The following POU2F1 variants were observed in gnomAD, a reference collection of about 807,000 sequenced individuals.
POU2F1 encodes POU domain, class 2, transcription factor 1.
Under a neutral mutation model 84.9 loss-of-function variants are expected in POU2F1, and 16 were observed. The observed-to-expected ratio is 0.19, with a 90% CI of 0.13 to 0.29. The LOEUF (loss-of-function observed/expected upper bound fraction) is 0.29. POU2F1 is among the 10% of genes least tolerant of loss of function. The probability of loss-of-function intolerance (pLI) is 1.00; values close to 1 mark genes in which losing one functional copy is unlikely to be tolerated. For missense variants in POU2F1, 738 were observed against 942.6 expected (o/e 0.78, Z 2.84); for synonymous variants, 368 against 368.3 (o/e 1.00, Z 0.01).
At chr1:167,372,965 A>C (rs1249273237) in intron 5 of POU2F1, among the ~76,000 whole-genome samples, 1 of 151,682 alleles carries the variant, frequency 6.6e-6, no homozygotes, top group African/African-American at 2.4e-5. Context: ...TTCCCAGTTA[A>C]GTGTGTTTTG....
intron 2 of POU2F1, among the ~76,000 whole-genome samples, chr1:167,338,749 G>A (rs1421143718): frequency 1.3e-5 from 2 of 152,136 alleles, no homozygotes; most frequent in Non-Finnish European, 2.9e-5. Flanking sequence ...GCATGTATCA[G>A]AACTTTATTT....
At position 167,245,818 on chromosome 1, in the gene POU2F1, A is replaced by G. The variant is rs748080922; in HGVS notation, c.61+24860A>G. Among the ~76,000 whole-genome samples, 11 of 152,214 alleles carry G rather than the reference A, an allele frequency of 7.2e-5. No individual in the cohort carries two copies. In the South Asian group the frequency reaches 2.1e-3, roughly 29 times the overall value. ...GCAGTCCTCTTGCTTTGGCCTCCCA[A>G]AGTGTTGGAATTACAGGCGTGAGCC... On this transcript the variant is annotated intron_variant, in intron 1 of 15. Coordinates refer to ENST00000367866, the MANE Select transcript of POU2F1 (RefSeq NM_002697.4).
chr1:167,224,336 C>T (rs1033859174), intron 1 of POU2F1, among the ~76,000 whole-genome samples: 1 of 152,088 alleles, frequency 6.6e-6, no homozygotes, highest in African/African-American at 2.4e-5. Flanking sequence ...GCCTTAGAAT[C>T]CATTTCAGTG....
intron 8 of POU2F1, among the ~76,000 whole-genome samples, chr1:167,385,956 G>A (rs535470084): frequency 3.9e-4 from 60 of 152,200 alleles, no homozygotes; most frequent in African/African-American, 1.4e-3. Flanking sequence ...TTGGAGATAC[G>A]TCACCAAAGA....
chr1:167,339,804 A>G (rs1174306641), intron 2 of POU2F1, among the ~76,000 whole-genome samples: 1 of 152,222 alleles, frequency 6.6e-6, no homozygotes. Context: ...ACAATTTATT[A>G]CAAATTAATT....
intron 2 of POU2F1, among the ~76,000 whole-genome samples, chr1:167,358,122 C>CTTTT (rs763521021): frequency 8.0e-4 from 78 of 97,128 alleles, no homozygotes; most frequent in South Asian, 1.0e-3. Flanking sequence ...TTTTTCTTTT[C>CTTTT]TTTTTTTTTT....
intron 1 of POU2F1, among the ~76,000 whole-genome samples, chr1:167,330,828 A>G (rs1211112012): frequency 6.6e-6 from 1 of 152,106 alleles, no homozygotes; most frequent in Non-Finnish European, 1.5e-5. Context: ...GTGCCCACAT[A>G]TGTGAGAAAA....
At chr1:167,246,699 A>G (rs894876313) in intron 1 of POU2F1, among the ~76,000 whole-genome samples, 3 of 152,206 alleles carry the variant, frequency 2.0e-5, no homozygotes, top group Non-Finnish European at 4.4e-5. Context: ...GTCTTTTTGT[A>G]GTGACTTAAA....
At chr1:167,282,795 A>G (rs943745103) in intron 1 of POU2F1, among the ~76,000 whole-genome samples, 6 of 152,190 alleles carry the variant, frequency 3.9e-5, no homozygotes. Flanking sequence ...CTGCCCCATT[A>G]GCTTCCTAGC....
At chr1:167,275,552 C>A (rs182062916) in intron 1 of POU2F1, among the ~76,000 whole-genome samples, 144 of 152,180 alleles carry the variant, frequency 9.5e-4, no homozygotes, top group African/African-American at 3.4e-3. Flanking sequence ...TTTTCATTCC[C>A]ACTTTTTAAA....
chr1:167,235,121 C>A (rs1649351992), intron 1 of POU2F1, among the ~76,000 whole-genome samples: 1 of 152,122 alleles, frequency 6.6e-6, no homozygotes, highest in Non-Finnish European at 1.5e-5. Context: ...GGTTTCCAGT[C>A]ATTCACACCT....
Position 167,418,186 on chromosome 1 carries a change from T to G in POU2F1, c.*2376T>G, listed in dbSNP as rs545119118. 7 of 152,250 alleles carry G rather than the reference T, an allele frequency of 4.6e-5. No individual in the cohort carries two copies. The highest frequency in any genetic ancestry group is 8.8e-5 in the Non-Finnish European group (6 of 68,040). 9.4% of individuals were successfully genotyped at this position (152,250 alleles called of 1,614,324 possible). ...GATAGATGCTACTGACAATTTCTTTTTCATTTGTCTTTATTAATTTTATAT... is the reference window on the plus strand; with the variant it reads ...GATAGATGCTACTGACAATTTCTTTGTCATTTGTCTTTATTAATTTTATAT... On this transcript the variant is annotated 3_prime_UTR_variant, in exon 16 of 16. Transcript: ENST00000367866.
chr1:167,396,550 A>G (rs1179692773), intron 10 of POU2F1, 123 bp downstream of exon 10: 2 of 919,416 alleles, frequency 2.2e-6, no homozygotes, highest in African/African-American at 3.3e-5. Flanking sequence ...AAGCTTACTA[A>G]TCCTGGGAGG....
chr1:167,347,677 A>G (rs1437629003), intron 2 of POU2F1, among the ~76,000 whole-genome samples: 1 of 152,176 alleles, frequency 6.6e-6, no homozygotes, highest in Non-Finnish European at 1.5e-5. Flanking sequence ...CCCCTTAAGT[A>G]GTTGCTCTCC....
chr1:167,295,108 C>G (rs1654202107), intron 1 of POU2F1, among the ~76,000 whole-genome samples: 2 of 150,728 alleles, frequency 1.3e-5, no homozygotes, highest in African/African-American at 4.9e-5. Context: ...GGTGATAGAG[C>G]AAGACTCCAT....
At chr1:167,326,998 C>A (rs905646197) in intron 1 of POU2F1, among the ~76,000 whole-genome samples, 1 of 152,174 alleles carries the variant, frequency 6.6e-6, no homozygotes, top group Non-Finnish European at 1.5e-5. Flanking sequence ...TTGATATCTA[C>A]TGTAATCTAG....
intron 1 of POU2F1, among the ~76,000 whole-genome samples, chr1:167,273,536 G>A (rs1458133811): frequency 2.0e-5 from 3 of 152,226 alleles, no homozygotes; most frequent in Non-Finnish European, 2.9e-5. Context: ...GCACCCGCAG[G>A]CTTACCACCA....
intron 1 of POU2F1, among the ~76,000 whole-genome samples, chr1:167,310,650 A>T (rs1248972729): frequency 1.3e-5 from 2 of 152,316 alleles, no homozygotes; most frequent in East Asian, 3.9e-4. Flanking sequence ...CTAATAATCA[A>T]TAGACATAAT....
rs762009670 is a variant in POU2F1, at chr1:167,383,885, G to A, written c.747G>A (p.Thr249=). The A allele has an allele frequency of 1.2e-5, 20 of 1,613,480 alleles. No homozygotes were observed. The highest frequency in any genetic ancestry group is 1.0e-4 in the Admixed American group (6 of 59,934). The change falls in exon 8 of 16, where the codon ACG becomes ACA. Residue 249 remains threonine (T), a synonymous_variant. Coordinates refer to ENST00000367866, the MANE Select transcript of POU2F1 (RefSeq NM_002697.4). ...QGLLQAQNLL[T]QLPQQSQANL... ...TCCTGCAAGCGCAAAATCTTCTAAC[G>A]CAACTACCTCAGCAAAGCCAAGCCA...
Sources: allele counts gnomAD v4.1 joint callset (sites outside exome capture counted in the v4.1 genomes callset), GRCh38; gene constraint gnomAD v4.1.1; transcripts MANE v1.5; gene names NCBI Gene and HGNC (gene_info 2026-07-23, HGNC 2026-07-21).